ZNF385D: variants seen among roughly 807,000 people sequenced by gnomAD.
ZNF385D encodes the protein zinc finger protein 659.
A neutral mutation model predicts 35.8 loss-of-function variants in ZNF385D; 15 were observed. The observed-to-expected ratio is 0.42, with a 90% CI of 0.28 to 0.64. ZNF385D has a LOEUF of 0.64. Among genes scored for constraint, ZNF385D ranks in the 30% least tolerant of loss-of-function variants. The pLI is 0.23. For missense variants in ZNF385D, 474 were observed against 494.6 expected, an observed-to-expected ratio of 0.96 and a Z score of 0.39; for synonymous variants, 212 against 186.8, an observed-to-expected ratio of 1.13 and a Z score of -1.10.
intron 4 of ZNF385D, among the ~76,000 whole-genome samples, chr3:21,487,059 T>C (rs1705083722): frequency 1.3e-5 from 2 of 152,148 alleles, no homozygotes; most frequent in African/African-American, 4.8e-5. Flanking sequence ...CTTATTTATA[T>C]TGAATCTAAT....
At chr3:22,279,245 T>C (rs1479463323) in intron 2 of ZNF385D, among the ~76,000 whole-genome samples, 2 of 151,922 alleles carry the variant, frequency 1.3e-5, no homozygotes, top group Non-Finnish European at 2.9e-5. Context: ...TGTAGTCTTT[T>C]ATCCCTCACA....
At chr3:22,000,934 G>A (rs535044047) in intron 3 of ZNF385D, among the ~76,000 whole-genome samples, 4 of 151,116 alleles carry the variant, frequency 2.6e-5, no homozygotes, top group African/African-American at 9.7e-5. Context: ...GAAGTGTAAG[G>A]AAAATTATCT....
At chr3:21,774,577 T>G (rs2071210917) in intron 3 of ZNF385D, among the ~76,000 whole-genome samples, 1 of 151,694 alleles carries the variant, frequency 6.6e-6, no homozygotes, top group South Asian at 2.1e-4. Context: ...AGCCCAAAGA[T>G]TAGTCACAGA....
intron 2 of ZNF385D, among the ~76,000 whole-genome samples, chr3:22,309,737 TG>T (rs768831379): frequency 2.0e-4 from 30 of 152,002 alleles, no homozygotes; most frequent in Non-Finnish European, 7.4e-5. Flanking sequence ...ACCACTCTTT[TG>T]AAAAGAGTAG....
intron 3 of ZNF385D, among the ~76,000 whole-genome samples, chr3:21,886,358 A>AATGGAATAAAG (rs6147729): frequency 1.3e-5 from 2 of 151,056 alleles, no homozygotes. Context: ...GGCTGTGATT[A>AATGGAATAAAG]ATGAGGAAGA....
At chr3:22,244,686 C>A (rs1158604224) in intron 2 of ZNF385D, among the ~76,000 whole-genome samples, 1 of 151,074 alleles carries the variant, frequency 6.6e-6, no homozygotes, top group East Asian at 1.9e-4. Context: ...TCATGGTCTG[C>A]AACTCTATGC....
At chr3:21,983,410 C>T (rs1353159698) in intron 3 of ZNF385D, among the ~76,000 whole-genome samples, 20 of 103,608 alleles carry the variant, frequency 1.9e-4, no homozygotes, top group African/African-American at 3.9e-4. Flanking sequence ...TGAGAATATG[C>T]GGTGTTTGGT....
chr3:21,902,757 G>A (rs975052049), intron 3 of ZNF385D, among the ~76,000 whole-genome samples: 1 of 152,092 alleles, frequency 6.6e-6, no homozygotes, highest in Non-Finnish European at 1.5e-5. Context: ...GAGTTAGTGG[G>A]TGCAGCACAC....
At position 21,746,792 on chromosome 3, in the gene ZNF385D, T is replaced by C. The variant is rs189395857; in HGVS notation, c.22+4103A>G. ...TTCCACTGAAACCACTAAAAAGGAA[T>C]GTTTTTCTCTGCTGCCTGCTGCTTT... On this transcript the variant is annotated intron_variant, in intron 1 of 7. Coordinates refer to ENST00000281523, the MANE Select transcript of ZNF385D (RefSeq NM_024697.3). Among the ~76,000 whole-genome samples the C allele has an allele frequency of 1.1e-4, 17 of 152,330 alleles. No individual in the cohort carries two copies. In the East Asian group the frequency reaches 2.9e-3, roughly 26 times the overall value.
intron 3 of ZNF385D, among the ~76,000 whole-genome samples, chr3:22,139,150 C>A (rs1704336876): frequency 6.6e-6 from 1 of 152,086 alleles, no homozygotes; most frequent in Admixed American, 6.5e-5. Flanking sequence ...AATAGGAACA[C>A]TTTTACACTG....
At chr3:21,921,777 A>G (rs1268135048) in intron 3 of ZNF385D, among the ~76,000 whole-genome samples, 1 of 151,816 alleles carries the variant, frequency 6.6e-6, no homozygotes, top group Non-Finnish European at 1.5e-5. Context: ...CAATCTCCCA[A>G]GATTGAATCA....
At position 22,062,581 on chromosome 3, in the gene ZNF385D, AT is replaced by A. The variant is rs369022100; in HGVS notation, c.325+106235del. On this transcript the variant is annotated intron_variant, in intron 3 of 5. Coordinates refer to the ZNF385D transcript ENST00000494108. ...TACATGCTACTTTAAAATATTTAAC[AT>A]TGTGGTGGTTTTAAAACATACCCAC... Among the ~76,000 whole-genome samples, 1,076 of 152,292 alleles carry A rather than the reference AT, an allele frequency of 7.1e-3. 18 individuals are homozygous for A. The highest frequency in any genetic ancestry group is 0.024 in the African/African-American group (1,012 of 41,552).
intron 3 of ZNF385D, among the ~76,000 whole-genome samples, chr3:21,530,767 TC>T (rs1219883717): frequency 1.3e-5 from 2 of 151,980 alleles, no homozygotes; most frequent in Non-Finnish European, 2.9e-5. Flanking sequence ...TCTATGTCCA[TC>T]TAAAGGAAAA....
At chr3:22,140,304 A>G (rs574350113) in intron 3 of ZNF385D, among the ~76,000 whole-genome samples, 14 of 152,326 alleles carry the variant, frequency 9.2e-5, no homozygotes, top group Admixed American at 3.3e-4. Flanking sequence ...AATGCTGCCT[A>G]AAAGAAACCA....
At chr3:21,877,971 A>C (rs1240564539) in intron 3 of ZNF385D, 1 of 152,062 alleles carries the variant, frequency 6.6e-6, no homozygotes, top group Non-Finnish European at 1.5e-5. Context: ...TCATGATAAA[A>C]TGATAAACAA....
At chr3:22,122,124 T>G (rs910934005) in intron 3 of ZNF385D, among the ~76,000 whole-genome samples, 3 of 152,124 alleles carry the variant, frequency 2.0e-5, no homozygotes, top group African/African-American at 7.2e-5. Context: ...TTTCTTTTTT[T>G]AAACCCCTTC....
intron 3 of ZNF385D, among the ~76,000 whole-genome samples, chr3:22,040,080 T>G (rs1042185586): frequency 6.6e-6 from 1 of 152,192 alleles, no homozygotes; most frequent in African/African-American, 2.4e-5. Flanking sequence ...TTTCAGTGTG[T>G]ACCTAACTCT....
intron 2 of ZNF385D, among the ~76,000 whole-genome samples, chr3:22,271,830 T>C (rs1298056146): frequency 1.3e-5 from 2 of 152,010 alleles, no homozygotes; most frequent in Non-Finnish European, 2.9e-5. Context: ...TTTTTACCTA[T>C]ACAGATGGTC....
At chr3:21,800,833 G>C (rs758599507) in intron 3 of ZNF385D, among the ~76,000 whole-genome samples, 2 of 151,876 alleles carry the variant, frequency 1.3e-5, no homozygotes, top group East Asian at 3.9e-4. Flanking sequence ...ACATAGTTTC[G>C]CTTCTTTTTC....
Sources: gnomAD v4.1 joint callset for allele counts (sites outside exome capture counted in the v4.1 genomes callset) on GRCh38, gnomAD v4.1.1 for gene constraint, MANE v1.5 for transcripts, NCBI Gene and HGNC (gene_info 2026-07-23, HGNC 2026-07-21) for gene names.